Variants in WWC1 observed in about 807,000 individuals in gnomAD.
WWC1 encodes the protein protein KIBRA.
WWC1 carries 55 observed loss-of-function variants against 138.4 expected under a neutral mutation model. The observed-to-expected ratio is 0.40, with a 90% CI of 0.32 to 0.50. The LOEUF is 0.50. Ranked by LOEUF, WWC1 falls within the 20% of genes least tolerant of loss-of-function variation. The probability of loss-of-function intolerance (pLI) is 0.72; values close to 1 mark genes in which losing one functional copy is unlikely to be tolerated. For synonymous variants in WWC1, 524 were observed against 564.9 expected (o/e 0.93, Z 1.03); for missense variants, 1,226 against 1,420.4 (o/e 0.86, Z 2.20).
intron 5 of WWC1, among the ~76,000 whole-genome samples, chr5:168,400,278 C>T (rs1020918166): frequency 3.3e-5 from 5 of 152,084 alleles, no homozygotes; most frequent in African/African-American, 1.2e-4. Context: ...TTTCATCACC[C>T]AGGTATTAAG....
Position 168,441,693 on chromosome 5 carries a change from G to T in WWC1, c.2292G>T (p.Gln764His). The change falls in exon 16 of 23, where the codon CAG becomes CAT. Residue 764 changes from glutamine (Q) to histidine (H), a missense_variant. Physicochemically the swap from Gln to His is conservative, Grantham distance 24. Coordinates refer to ENST00000265293, the MANE Select transcript of WWC1 (RefSeq NM_015238.3). ...SHLEECLGGA[Q>H]ISLAEVCRSG... ...TCCATCCCCAACAGGGAGGCGCCCA[G>T]ATCAGCCTGGCGGAGGTCTGCCGGT... 6.2e-7 allele frequency: 1 copy of T among 1,614,016 alleles called. No homozygotes were observed. Among genetic ancestry groups the T allele is most frequent in the Non-Finnish European group, 8.5e-7 (1 of 1,179,952 alleles).
At position 168,291,964 on chromosome 5, in the gene WWC1, G is replaced by C. The variant is rs1405708733; in HGVS notation, c.-189G>C. On this transcript the variant is annotated 5_prime_UTR_variant, in exon 1 of 23. Transcript: ENST00000265293. ...CGGGAGGAGCGGGCGGCGCCGGGTC[G>C]GGGCTGCAGGGCCGCATGGACAGCG... 4 of 450,446 alleles carry C rather than the reference G, an allele frequency of 8.9e-6. No individual in the cohort carries two copies. The highest frequency in any genetic ancestry group is 4.9e-5 in the Admixed American group (1 of 20,500). 27.9% of individuals were successfully genotyped at this position (450,446 alleles called of 1,614,324 possible). A position where few individuals can be genotyped will look rare whatever the true frequency, so the allele number is the denominator to read the frequency against.
intron 15 of WWC1, among the ~76,000 whole-genome samples, chr5:168,437,404 T>C (rs940169762): frequency 6.6e-6 from 1 of 152,242 alleles, no homozygotes; most frequent in African/African-American, 2.4e-5. Context: ...TATAGTTTCA[T>C]TGGCAACTAT....
At chr5:168,453,014 C>T (rs1189283252) in intron 17 of WWC1, among the ~76,000 whole-genome samples, 3 of 152,186 alleles carry the variant, frequency 2.0e-5, no homozygotes, top group Non-Finnish European at 2.9e-5. Context: ...CGCTTGAGCC[C>T]AGTAGTTTGA....
chr5:168,302,640 C>T (rs1561583883), intron 1 of WWC1, among the ~76,000 whole-genome samples: 2 of 152,086 alleles, frequency 1.3e-5, no homozygotes, highest in East Asian at 1.9e-4. Flanking sequence ...GTCTCCAACT[C>T]GTAGAATTTA....
intron 17 of WWC1, among the ~76,000 whole-genome samples, chr5:168,452,711 T>G (rs981591673): frequency 2.0e-5 from 3 of 152,226 alleles, no homozygotes; most frequent in African/African-American, 7.2e-5. Context: ...CATACTTGCT[T>G]GGAAATGTAA....
intron 2 of WWC1, among the ~76,000 whole-genome samples, chr5:168,382,505 A>C (rs1288826335): frequency 1.3e-5 from 2 of 152,174 alleles, no homozygotes; most frequent in Non-Finnish European, 2.9e-5. Flanking sequence ...TTTAAGAAAC[A>C]TTGCCAGCCT....
At chr5:168,450,190 A>G (rs372180603) in intron 17 of WWC1, among the ~76,000 whole-genome samples, 1 of 152,272 alleles carries the variant, frequency 6.6e-6, no homozygotes, top group South Asian at 2.1e-4. Context: ...TCAAGATGGG[A>G]ATAGAGATAA....
chr5:168,304,840 T>C (rs1251317477), intron 1 of WWC1, among the ~76,000 whole-genome samples: 1 of 151,972 alleles, frequency 6.6e-6, no homozygotes, highest in Non-Finnish European at 1.5e-5. Flanking sequence ...TTTTTTTTTT[T>C]TTTTTGAGGT....
At chr5:168,391,647 A>G (rs1454692162) in intron 3 of WWC1, among the ~76,000 whole-genome samples, 1 of 138,736 alleles carries the variant, frequency 7.2e-6, no homozygotes, top group Admixed American at 7.6e-5. Flanking sequence ...CAACAGAGCA[A>G]CACTCCGTCT....
intron 8 of WWC1, chr5:168,412,018 C>T: frequency 1.0e-6 from 1 of 985,420 alleles, no homozygotes; most frequent in Non-Finnish European, 1.2e-6. Flanking sequence ...CCCCAGGCGT[C>T]CAGCAAAACA....
chr5:168,364,069 G>A (rs767859434), intron 1 of WWC1, among the ~76,000 whole-genome samples: 5 of 151,916 alleles, frequency 3.3e-5, no homozygotes, highest in African/African-American at 7.3e-5. Context: ...TGCCAGTCCC[G>A]GCACTAGATA....
chr5:168,327,174 C>G (rs960009763), intron 1 of WWC1, among the ~76,000 whole-genome samples: 2 of 152,206 alleles, frequency 1.3e-5, no homozygotes, highest in Non-Finnish European at 2.9e-5. Flanking sequence ...AGAAATTGCT[C>G]ATGGTTCTCC....
intron 1 of WWC1, among the ~76,000 whole-genome samples, chr5:168,356,884 G>T (rs1327495252): frequency 2.6e-5 from 4 of 152,170 alleles, no homozygotes; most frequent in African/African-American, 9.7e-5. Context: ...AGTGGGCCAA[G>T]GCTCAGGTGG....
intron 1 of WWC1, among the ~76,000 whole-genome samples, chr5:168,336,294 G>A (rs1294207561): frequency 2.0e-5 from 3 of 152,152 alleles, no homozygotes; most frequent in Non-Finnish European, 4.4e-5. Context: ...TACCCGGCCA[G>A]CCACGGTGGC....
rs1769159406 is a variant in WWC1 at position 168,292,609 on chromosome 5, G to T, written c.119+338G>T. 1.3e-5 allele frequency among the ~76,000 whole-genome samples: 2 copies of T among 152,220 alleles called. No homozygotes were observed. The highest frequency in any genetic ancestry group is 1.9e-4 in the East Asian group (1 of 5,140). On this transcript the variant is annotated intron_variant, in intron 1 of 22. Coordinates refer to ENST00000265293, the MANE Select transcript of WWC1 (RefSeq NM_015238.3). The surrounding 1 kb of genome is among the most constrained non-coding windows in gnomAD (Gnocchi z 4.4). ...AGGAAGAGAGGTCGGGCGGGGGCGG[G>T]GGTTGGGGGAGCGACCTAGCCGGGT...
chr5:168,331,498 C>T (rs1773027995), intron 1 of WWC1, among the ~76,000 whole-genome samples: 1 of 152,210 alleles, frequency 6.6e-6, no homozygotes, highest in African/African-American at 2.4e-5. Flanking sequence ...CCCAAGACAA[C>T]TGAGAGTGAG....
intron 17 of WWC1, among the ~76,000 whole-genome samples, chr5:168,446,721 G>C (rs1440068567): frequency 3.3e-5 from 5 of 152,172 alleles, no homozygotes; most frequent in Non-Finnish European, 7.4e-5. Context: ...TACTGACTAT[G>C]TGAGGTTACT....
rs772412756 is a variant in WWC1 at position 168,428,040 on chromosome 5, T to A, written c.1818T>A (p.Asn606Lys). 1 of 1,613,464 alleles carries A rather than the reference T, an allele frequency of 6.2e-7. No homozygotes were observed. The highest frequency in any genetic ancestry group is 8.5e-7 in the Non-Finnish European group (1 of 1,179,566). Residue 606 changes from asparagine to lysine, a missense_variant, in exon 12 of 23, where the codon AAT (asparagine) becomes AAA (lysine). Asn to Lys is a moderately conservative substitution (Grantham distance 94). Around this residue, in one of 3 missense-constraint regions of WWC1, gnomAD observed 1,016 missense variants for 1,153.9 expected, o/e 0.88. Transcript: ENST00000265293. ...TEGKQLGQAV[N>K]TAQGCGLKVA... ...TCCATTTTCCTTCCCTAGCTGTGAATACGGCCCAGGGGTGTGGCCTGAAAG... is the reference window on the plus strand; with the variant it reads ...TCCATTTTCCTTCCCTAGCTGTGAAAACGGCCCAGGGGTGTGGCCTGAAAG...
Sources: allele counts gnomAD v4.1 joint callset (sites outside exome capture counted in the v4.1 genomes callset), GRCh38; gene constraint gnomAD v4.1.1; regional missense constraint gnomAD v4.1.1; non-coding constraint Gnocchi (gnomAD v3.1); transcripts MANE v1.5; gene names NCBI Gene and HGNC (gene_info 2026-07-23, HGNC 2026-07-21).